Variants in PLEKHG4B observed in about 807,000 individuals in gnomAD.
The protein encoded by PLEKHG4B is pleckstrin homology domain-containing family G member 4B.
PLEKHG4B carries 111 observed loss-of-function variants against 121.3 expected under a neutral mutation model. The observed-to-expected ratio is 0.92, with a 90% CI of 0.78 to 1.07. The LOEUF (loss-of-function observed/expected upper bound fraction) is 1.07. PLEKHG4B is among the 50% of genes least tolerant of loss of function. The probability of loss-of-function intolerance (pLI) is 0.00; values close to 1 mark genes in which losing one functional copy is unlikely to be tolerated. For synonymous variants in PLEKHG4B, 738 were observed against 725.0 expected, an observed-to-expected ratio of 1.02 and a Z score of -0.29; for missense variants, 1,831 against 1,757.8, an observed-to-expected ratio of 1.04 and a Z score of -0.74.
chr5:114,275 G>A (rs1350994566), intron 2 of PLEKHG4B, among the ~76,000 whole-genome samples: 9 of 152,072 alleles, frequency 5.9e-5, no homozygotes, highest in African/African-American at 1.7e-4. Context: ...TTTTATGAAC[G>A]ATTACTCCGA....
At chr5:160,718 T>C (rs1735970458) in intron 11 of PLEKHG4B, among the ~76,000 whole-genome samples, 1 of 152,300 alleles carries the variant, frequency 6.6e-6, no homozygotes. Context: ...ATTAGTGTAT[T>C]TCATCATAGA....
intron 2 of PLEKHG4B, among the ~76,000 whole-genome samples, chr5:125,967 G>T (rs779905603): frequency 6.6e-6 from 1 of 152,104 alleles, no homozygotes; most frequent in Admixed American, 6.6e-5. Flanking sequence ...AAAATATGCC[G>T]ACAATCTTAT....
intron 1 of PLEKHG4B, among the ~76,000 whole-genome samples, chr5:93,158 A>T (rs980070617): frequency 6.6e-6 from 1 of 152,130 alleles, no homozygotes; most frequent in Non-Finnish European, 1.5e-5. Flanking sequence ...AATTAAGTTA[A>T]ATGTCATTGA....
intron 2 of PLEKHG4B, among the ~76,000 whole-genome samples, chr5:130,443 C>G (rs1734746009): frequency 6.6e-6 from 1 of 152,202 alleles, no homozygotes. Context: ...AAGCTCATCC[C>G]TTAACGCCCC....
chr5:135,103 G>A (rs561918553), intron 2 of PLEKHG4B, among the ~76,000 whole-genome samples: 8 of 149,288 alleles, frequency 5.4e-5, no homozygotes, highest in African/African-American at 1.5e-4. Flanking sequence ...CAGGAGAATG[G>A]CGTGAACCCA....
intron 7 of PLEKHG4B, among the ~76,000 whole-genome samples, chr5:152,973 C>T (rs944941605): frequency 2.5e-4 from 38 of 152,210 alleles, no homozygotes; most frequent in African/African-American, 8.0e-4. Context: ...AAGGCCTCCC[C>T]AGCCATGCAA....
intron 3 of PLEKHG4B, 105 bp from the exon 4 acceptor site, chr5:142,942 T>C: frequency 9.1e-7 from 1 of 1,097,890 alleles, no homozygotes; most frequent in Non-Finnish European, 1.4e-6. Context: ...CCCCCTACTT[T>C]CATGCGTGTT....
intron 6 of PLEKHG4B, among the ~76,000 whole-genome samples, chr5:151,007 CAG>C (rs1735586900): frequency 6.6e-6 from 1 of 152,188 alleles, no homozygotes; most frequent in South Asian, 2.1e-4. Context: ...CTCAGCAAAA[CAG>C]AGGAACAAAC....
chr5:146,999 T>C (rs1735442561), intron 6 of PLEKHG4B, among the ~76,000 whole-genome samples: 1 of 152,014 alleles, frequency 6.6e-6, no homozygotes, highest in South Asian at 2.1e-4. Context: ...TCCACTCACA[T>C]TGAGCCCTGC....
chr5:177,200 G>C (rs1156672540), intron 18 of PLEKHG4B, among the ~76,000 whole-genome samples: 1 of 152,078 alleles, frequency 6.6e-6, no homozygotes, highest in African/African-American at 2.4e-5. Context: ...TCTTGAGGTG[G>C]ATGCTTATAT....
At chr5:145,176 C>T (rs1579286306) in intron 6 of PLEKHG4B, among the ~76,000 whole-genome samples, 1 of 152,332 alleles carries the variant, frequency 6.6e-6, no homozygotes, top group East Asian at 1.9e-4. Context: ...AAGCTTCATG[C>T]TCAGGGCAAC....
chr5:168,503 G>C, intron 13 of PLEKHG4B, among the ~76,000 whole-genome samples: 1 of 152,176 alleles, frequency 6.6e-6, no homozygotes, highest in Middle Eastern at 3.2e-3. Context: ...GGATCCAAAA[G>C]CCGTTTTCTC....
intron 6 of PLEKHG4B, among the ~76,000 whole-genome samples, chr5:146,365 C>T (rs533113460): frequency 1.2e-4 from 17 of 145,802 alleles, no homozygotes; most frequent in African/African-American, 4.1e-4. Context: ...TCTCCACCCC[C>T]ACAGTGGTTC....
chr5:110,571 C>T (rs1277879127), intron 1 of PLEKHG4B, among the ~76,000 whole-genome samples: 1 of 147,732 alleles, frequency 6.8e-6, no homozygotes, highest in African/African-American at 2.5e-5. Context: ...CAATCTGCAA[C>T]ACACGCGCAC....
Position 163,297 on chromosome 5 carries a change from C to T in PLEKHG4B, c.3225C>T (p.Pro1075=), listed in dbSNP as rs1455907821. ...QTLASRPRKH[P]QKKMIKKTQS... Reference sequence around the variant, plus strand: ...TGGCCAGCCGCCCCAGGAAACATCCCCAGAAGAAAATGATAAAGAAAACGC... The same window carrying T: ...TGGCCAGCCGCCCCAGGAAACATCCTCAGAAGAAAATGATAAAGAAAACGC... The change falls in exon 13 of 20, where the codon CCC becomes CCT. Residue 1075 remains proline (P), a synonymous_variant. Coordinates refer to ENST00000637938, the MANE Select transcript of PLEKHG4B (RefSeq NM_052909.5). 5.0e-6 allele frequency: 8 copies of T among 1,613,390 alleles called. No homozygotes were observed. Among genetic ancestry groups the T allele is most frequent in the Non-Finnish European group, 5.1e-6 (6 of 1,180,016 alleles).
chr5:145,670 C>A, intron 6 of PLEKHG4B, among the ~76,000 whole-genome samples: 1 of 152,282 alleles, frequency 6.6e-6, no homozygotes. Flanking sequence ...AGGGGCCCTG[C>A]ACTGAACCAT....
chr5:185,234 C>A lies in PLEKHG4B; in HGVS notation c.*2911C>A, dbSNP rs1733590805. 2 of 152,250 alleles carry A rather than the reference C, an allele frequency of 1.3e-5. No homozygotes were observed. The highest frequency in any genetic ancestry group is 2.1e-4 in the South Asian group (1 of 4,832). The allele number at this position is 152,250 out of a possible 1,614,324, so 9.4% of individuals were successfully genotyped here. On this transcript the variant is annotated 3_prime_UTR_variant, in exon 20 of 20. Coordinates refer to ENST00000637938, the MANE Select transcript of PLEKHG4B (RefSeq NM_052909.5). The stretch of plus-strand genomic sequence containing the variant: ...CAGCCACTGGCCATCACAGCAAACA[C>A]AAGCAGGGCGCAGGACGCCGGCAAG...
rs1736619715 is a variant in PLEKHG4B, at chr5:173,026, G to A, written c.4180G>A (p.Glu1394Lys). Reference sequence around the variant, plus strand: ...CCTGTTTAGCAAGACCCAGAAGGTGGAGGGCAGCCACGACGTCTACCTGTA... The same window carrying A: ...CCTGTTTAGCAAGACCCAGAAGGTGAAGGGCAGCCACGACGTCTACCTGTA... ...LILFSKTQKV[E>K]GSHDVYLYKQ... The change falls in exon 17 of 20, where the codon GAG becomes AAG. Residue 1394 changes from glutamate (E) to lysine (K), a missense_variant. By Grantham distance (56) the Glu-to-Lys change is moderately conservative. Coordinates refer to ENST00000637938, the MANE Select transcript of PLEKHG4B (RefSeq NM_052909.5). 2.5e-6 allele frequency: 4 copies of A among 1,614,054 alleles called. No individual in the cohort carries two copies. Among genetic ancestry groups the A allele is most frequent in the East Asian group, 4.5e-5 (2 of 44,872 alleles).
chr5:149,203 GA>G (rs1425834907), intron 6 of PLEKHG4B, among the ~76,000 whole-genome samples: 2 of 151,984 alleles, frequency 1.3e-5, no homozygotes, highest in African/African-American at 4.8e-5. Flanking sequence ...AGCAACAAAA[GA>G]AAAAATGGAC....
Sources: allele counts gnomAD v4.1 joint callset (sites outside exome capture counted in the v4.1 genomes callset), GRCh38; gene constraint gnomAD v4.1.1; transcripts MANE v1.5; gene names NCBI Gene and HGNC (gene_info 2026-07-23, HGNC 2026-07-21).